The following DROSHA variants were observed in gnomAD, a reference collection of about 807,000 sequenced individuals.
DROSHA encodes ribonuclease 3.
A neutral mutation model predicts 181.9 loss-of-function variants in DROSHA; 56 were observed. The observed-to-expected ratio is 0.31, with a 90% confidence interval of 0.25 to 0.38. The LOEUF is 0.38. DROSHA is among the 10% of genes least tolerant of loss of function. The pLI is 1.00. For synonymous variants in DROSHA, 524 were observed against 591.2 expected, an observed-to-expected ratio of 0.89 and a Z score of 1.65; for missense variants, 1,218 against 1,743.5, an observed-to-expected ratio of 0.70 and a Z score of 5.37.
At chr5:31,508,838 C>T (rs4374769) in intron 9 of DROSHA, 63 bp from the exon 10 acceptor site, 933,982 of 1,414,068 alleles carry the variant, frequency 0.66, 299,482 homozygotes, top group Non-Finnish European at 0.7. Context: ...TTTTTTTTTT[C>T]CCTGAGTTGG....
chr5:31,410,822 C>T lies in DROSHA; in HGVS notation c.3591G>A (p.Gln1197=), dbSNP rs765041582. The T allele has an allele frequency of 8.7e-6, 14 of 1,613,886 alleles. No individual in the cohort carries two copies. The African/African-American group carries it at 1.9e-4, about 22-fold the overall frequency. Residue 1197 remains glutamine (Q), a synonymous_variant, in exon 31 of 36, where the codon CAG becomes CAA. Coordinates refer to ENST00000344624, the MANE Select transcript of DROSHA (RefSeq NM_001382508.1). Reference sequence around the variant, plus strand: ...TCTTGTCGTTGGTTATGGCGTACTCCTGCATGCCCAGCTCCTCCGCTACCT... The same window carrying T: ...TCTTGTCGTTGGTTATGGCGTACTCTTGCATGCCCAGCTCCTCCGCTACCT... ...QAKVAEELGM[Q]EYAITNDKTK...
At chr5:31,464,753 C>A (rs1325217679) in intron 19 of DROSHA, among the ~76,000 whole-genome samples, 1 of 151,804 alleles carries the variant, frequency 6.6e-6, no homozygotes, top group Admixed American at 6.6e-5. Context: ...CTAATAGTTG[C>A]CTTCTAACTT....
chr5:31,427,463 A>T (rs978395783), intron 27 of DROSHA, among the ~76,000 whole-genome samples: 1 of 152,184 alleles, frequency 6.6e-6, no homozygotes, highest in African/African-American at 2.4e-5. Context: ...GACACAGATA[A>T]AGCCAGCAGC....
At chr5:31,511,341 A>G (rs1485215535) in intron 8 of DROSHA, among the ~76,000 whole-genome samples, 165 bp from the exon 9 acceptor site, 2 of 152,336 alleles carry the variant, frequency 1.3e-5, no homozygotes, top group East Asian at 3.9e-4. Flanking sequence ...ACTGGCAATC[A>G]TACTCTGAAT....
Position 31,486,523 on chromosome 5 carries a change from T to C in DROSHA, c.1882A>G (p.Thr628Ala). 1 of 1,613,760 alleles carries C rather than the reference T, an allele frequency of 6.2e-7. No homozygotes were observed. Among genetic ancestry groups the C allele is most frequent in the South Asian group, 1.1e-5 (1 of 91,016 alleles). Residue 628 changes from threonine to alanine, a missense_variant, in exon 14 of 36, where the codon ACG (threonine) becomes GCG (alanine). Physicochemically the swap from Thr to Ala is moderately conservative, Grantham distance 58. Transcript: ENST00000344624. ...CKVIRFNIDY[T>A]IHFIEEMMPE... Reference sequence around the variant, plus strand: ...ATCATCTCTTCAATGAAATGAATCGTGTAGTCTATGTTGAATCTAATTACT... The same window carrying C: ...ATCATCTCTTCAATGAAATGAATCGCGTAGTCTATGTTGAATCTAATTACT...
chr5:31,448,400 T>A, intron 23 of DROSHA, 147 bp downstream of exon 23: 1 of 657,984 alleles, frequency 1.5e-6, no homozygotes, highest in South Asian at 1.9e-5. Flanking sequence ...TTTGGGGTAA[T>A]GTCAATGTTG....
chr5:31,469,801 G>T (rs1039932289), intron 17 of DROSHA, among the ~76,000 whole-genome samples: 1 of 152,098 alleles, frequency 6.6e-6, no homozygotes, highest in African/African-American at 2.4e-5. Context: ...TGCCATCTTT[G>T]TTTAAGAATA....
chr5:31,405,344 C>T (rs1278109745), intron 35 of DROSHA, among the ~76,000 whole-genome samples: 1 of 149,522 alleles, frequency 6.7e-6, no homozygotes, highest in Non-Finnish European at 1.5e-5. Context: ...CACTGCACTC[C>T]AGCCTGGGCA....
chr5:31,424,786 T>G (rs898277533), intron 27 of DROSHA, among the ~76,000 whole-genome samples: 1 of 152,218 alleles, frequency 6.6e-6, no homozygotes, highest in Non-Finnish European at 1.5e-5. Flanking sequence ...CTTTTAATCA[T>G]ATTTTTTTCT....
At chr5:31,481,418 A>T (rs1402734105) in intron 16 of DROSHA, among the ~76,000 whole-genome samples, 1 of 152,220 alleles carries the variant, frequency 6.6e-6, no homozygotes, top group African/African-American at 2.4e-5. Flanking sequence ...AAAACTGCCC[A>T]CTTTCTCTCA....
intron 17 of DROSHA, among the ~76,000 whole-genome samples, chr5:31,471,377 A>G (rs750062038): frequency 7.2e-5 from 11 of 152,150 alleles, no homozygotes. Flanking sequence ...ATGAAACAGT[A>G]ACACTAATTT....
In DROSHA at chr5:31,504,535, T is replaced by C. The variant is rs765577897; in HGVS notation, c.1668+20A>G. Reference sequence around the variant, plus strand: ...TCTGGCTTCTCAGCATTTACAAACATAATAACCCAAACCAGTTACCTCTTC... The same window carrying C: ...TCTGGCTTCTCAGCATTTACAAACACAATAACCCAAACCAGTTACCTCTTC... On this transcript the variant is annotated intron_variant, in intron 11 of 35. Transcript: ENST00000344624. The C allele has an allele frequency of 6.2e-7, 1 of 1,613,584 alleles. No homozygotes were observed.
intron 25 of DROSHA, among the ~76,000 whole-genome samples, chr5:31,435,137 T>C (rs1744638316): frequency 6.6e-6 from 1 of 152,224 alleles, no homozygotes; most frequent in Non-Finnish European, 1.5e-5. Flanking sequence ...TGGACTGGAA[T>C]GTTCTTATCA....
chr5:31,442,982 A>G (rs757046697), intron 23 of DROSHA, among the ~76,000 whole-genome samples: 3 of 151,674 alleles, frequency 2.0e-5, no homozygotes, highest in Admixed American at 6.6e-5. Context: ...TGCAACTGCC[A>G]TTTCCTTAAA....
intron 23 of DROSHA, among the ~76,000 whole-genome samples, chr5:31,447,186 G>A: frequency 6.6e-6 from 1 of 152,066 alleles, no homozygotes; most frequent in East Asian, 1.9e-4. Context: ...AAATACCACA[G>A]GTTACATGGA....
At chr5:31,436,155 G>C (rs1744757048) in intron 24 of DROSHA, among the ~76,000 whole-genome samples, 1 of 152,118 alleles carries the variant, frequency 6.6e-6, no homozygotes, top group Non-Finnish European at 1.5e-5. Flanking sequence ...CACACTCTAA[G>C]AGCAAACACA....
chr5:31,426,072 C>T (rs1223296951), intron 27 of DROSHA, among the ~76,000 whole-genome samples: 1 of 152,118 alleles, frequency 6.6e-6, no homozygotes, highest in African/African-American at 2.4e-5. Context: ...TCTTCTATCA[C>T]CTTCATGTCT....
chr5:31,465,216 C>G (rs1258811193), intron 19 of DROSHA, among the ~76,000 whole-genome samples: 1 of 152,180 alleles, frequency 6.6e-6, no homozygotes, highest in Non-Finnish European at 1.5e-5. Context: ...ACAACCCCAG[C>G]AGAATAAAAC....
rs2150016672 is a variant in DROSHA at position 31,453,094 on chromosome 5, A to C, written c.2575-1454T>G. The stretch of plus-strand genomic sequence containing the variant: ...GTGCAACTGCCTTTCTAAAGCATGA[A>C]CTCAACCTGGTGAATTGTTTACTTT... On this transcript the variant is annotated intron_variant, in intron 20 of 35. Transcript: ENST00000344624. Among the ~76,000 whole-genome samples the C allele has an allele frequency of 1.3e-5, 2 of 152,294 alleles. 1 individual carries two copies. The highest frequency in any genetic ancestry group is 4.1e-4 in the South Asian group (2 of 4,822).
Sources: allele counts gnomAD v4.1 joint callset (sites outside exome capture counted in the v4.1 genomes callset), GRCh38; gene constraint gnomAD v4.1.1; transcripts MANE v1.5; gene names NCBI Gene and HGNC (gene_info 2026-07-23, HGNC 2026-07-21).